DCC: variants seen among roughly 807,000 people sequenced by gnomAD.
The protein encoded by DCC is netrin receptor DCC.
Under a neutral mutation model 172.5 loss-of-function variants are expected in DCC, and 58 were observed. The ratio of observed to expected loss-of-function variants is 0.34; its 90% CI spans 0.27 to 0.42. DCC has a LOEUF of 0.42. Among genes scored for constraint, DCC ranks in the 10% least tolerant of loss-of-function variants. The pLI is 1.00. For synonymous variants in DCC, 709 were observed against 644.5 expected, an observed-to-expected ratio of 1.10 and a Z score of -1.52; for missense variants, 1,740 against 1,791.0, an observed-to-expected ratio of 0.97 and a Z score of 0.51.
intron 2 of DCC, among the ~76,000 whole-genome samples, chr18:52,853,445 A>C (rs1405227256): frequency 6.6e-6 from 1 of 152,232 alleles, no homozygotes; most frequent in Non-Finnish European, 1.5e-5. Context: ...ATTAAATTTC[A>C]CAACCATTTT....
intron 7 of DCC, among the ~76,000 whole-genome samples, chr18:53,088,232 T>C (rs1056078322): frequency 6.6e-6 from 1 of 152,218 alleles, no homozygotes; most frequent in East Asian, 1.9e-4. Context: ...CTCCTACGCA[T>C]GAGCATGGAA....
intron 2 of DCC, among the ~76,000 whole-genome samples, chr18:52,891,711 C>T (rs1009139644): frequency 6.6e-6 from 1 of 152,084 alleles, no homozygotes; most frequent in Non-Finnish European, 1.5e-5. Context: ...GTTCTTGACC[C>T]ATCCCTTTTC....
chr18:52,763,998 A>G (rs1174534404), intron 2 of DCC, among the ~76,000 whole-genome samples: 2 of 152,226 alleles, frequency 1.3e-5, no homozygotes, highest in African/African-American at 4.8e-5. Flanking sequence ...ATAATTCATT[A>G]ATGAATGTTC....
At chr18:53,086,837 T>C (rs1677674795) in intron 7 of DCC, among the ~76,000 whole-genome samples, 1 of 138,702 alleles carries the variant, frequency 7.2e-6, no homozygotes, top group South Asian at 2.2e-4. Context: ...CACCTATGAG[T>C]GAGAATATGT....
intron 7 of DCC, among the ~76,000 whole-genome samples, chr18:53,123,079 CCACCA>C (rs1174967119): frequency 6.6e-6 from 1 of 152,016 alleles, no homozygotes; most frequent in Non-Finnish European, 1.5e-5. Flanking sequence ...AGCTTATATT[CCACCA>C]TGGGAGACAG....
chr18:53,285,033 T>C (rs2056919860), intron 12 of DCC, among the ~76,000 whole-genome samples: 2 of 152,118 alleles, frequency 1.3e-5, no homozygotes, highest in South Asian at 4.1e-4. Flanking sequence ...GTAACTTGGC[T>C]GCTCTCAAAG....
intron 7 of DCC, among the ~76,000 whole-genome samples, chr18:53,130,425 C>A (rs1024263165): frequency 6.6e-6 from 1 of 152,078 alleles, no homozygotes; most frequent in East Asian, 1.9e-4. Flanking sequence ...GTTCTGTATA[C>A]AGATTTTATT....
In DCC at chr18:53,531,675, T is replaced by C. The variant is rs2046526770; in HGVS notation, c.*1022T>C. On this transcript the variant is annotated 3_prime_UTR_variant, in exon 29 of 29. Transcript: ENST00000442544. Reference sequence around the variant, plus strand: ...CGCCTGTCTTCTAATCCCGTAGAAATGGCAGACTCCCTGAGAGCAGGAAGA... The same window carrying C: ...CGCCTGTCTTCTAATCCCGTAGAAACGGCAGACTCCCTGAGAGCAGGAAGA... 1 of 152,142 alleles carries C rather than the reference T, an allele frequency of 6.6e-6. No individual in the cohort carries two copies. The highest frequency in any genetic ancestry group is 6.6e-5 in the Admixed American group (1 of 15,260). The allele number at this position is 152,142 out of a possible 1,614,324, so 9.4% of individuals were successfully genotyped here.
At chr18:52,409,014 C>G (rs1986752207) in intron 1 of DCC, 1 of 151,926 alleles carries the variant, frequency 6.6e-6, no homozygotes, top group Non-Finnish European at 1.5e-5. Context: ...TGGGATATAC[C>G]CCTACAGACA....
chr18:52,524,060 G>T (rs1324220930), intron 1 of DCC, among the ~76,000 whole-genome samples: 2 of 152,174 alleles, frequency 1.3e-5, no homozygotes, highest in African/African-American at 4.8e-5. Flanking sequence ...GTTACACCAA[G>T]TTTCTCTAAT....
At chr18:52,795,275 C>G (rs9945756) in intron 2 of DCC, among the ~76,000 whole-genome samples, 6,539 of 151,908 alleles carry the variant, frequency 0.043, 221 homozygotes, top group South Asian at 0.16. Context: ...TTTATTGGGA[C>G]GCACCTGATT....
chr18:53,196,651 TATAG>T (rs1444776127), intron 9 of DCC, among the ~76,000 whole-genome samples: 1 of 152,174 alleles, frequency 6.6e-6, no homozygotes, highest in Non-Finnish European at 1.5e-5. Flanking sequence ...AAAGGTAATA[TATAG>T]ATTACATCCA....
chr18:52,825,345 T>A (rs1262113351), intron 2 of DCC, among the ~76,000 whole-genome samples: 1 of 152,142 alleles, frequency 6.6e-6, no homozygotes, highest in Non-Finnish European at 1.5e-5. Flanking sequence ...TATCATACCT[T>A]GGTGTCTGAA....
chr18:53,108,344 CTTCT>C (rs2043280516), intron 7 of DCC, among the ~76,000 whole-genome samples: 1 of 151,702 alleles, frequency 6.6e-6, no homozygotes, highest in Admixed American at 6.6e-5. Context: ...TGTATTGAAA[CTTCT>C]TTCTAAGTGA....
intron 7 of DCC, among the ~76,000 whole-genome samples, chr18:53,078,871 AACAC>A (rs1267135775): frequency 6.6e-6 from 1 of 152,140 alleles, no homozygotes; most frequent in African/African-American, 2.4e-5. Context: ...CTCAAATTAA[AACAC>A]ACGTCATTAT....
At chr18:52,970,032 A>T (rs72926186) in intron 5 of DCC, among the ~76,000 whole-genome samples, 3,249 of 152,242 alleles carry the variant, frequency 0.021, 61 homozygotes, top group Admixed American at 0.039. Flanking sequence ...ATATTTAAAA[A>T]ATTACTTAAT....
At chr18:52,467,551 G>A (rs1988822454) in intron 1 of DCC, among the ~76,000 whole-genome samples, 1 of 152,076 alleles carries the variant, frequency 6.6e-6, no homozygotes, top group South Asian at 2.1e-4. Flanking sequence ...ATAATCCTTT[G>A]GGTATATACC....
At chr18:53,373,757 TGA>T (rs2058083277) in intron 15 of DCC, among the ~76,000 whole-genome samples, 1 of 152,174 alleles carries the variant, frequency 6.6e-6, no homozygotes, top group Non-Finnish European at 1.5e-5. Context: ...TTGAAAATCA[TGA>T]GTTTTTGAAA....
At chr18:52,785,058 G>A (rs2037630517) in intron 2 of DCC, among the ~76,000 whole-genome samples, 1 of 151,944 alleles carries the variant, frequency 6.6e-6, no homozygotes, top group Non-Finnish European at 1.5e-5. Context: ...CTCACAGATT[G>A]GTTGATCAGG....
Sources: gnomAD v4.1 joint callset for allele counts (sites outside exome capture counted in the v4.1 genomes callset) on GRCh38, gnomAD v4.1.1 for gene constraint, MANE v1.5 for transcripts, NCBI Gene and HGNC (gene_info 2026-07-23, HGNC 2026-07-21) for gene names.